CAMK1G: variants seen among roughly 807,000 people sequenced by gnomAD.
The protein encoded by CAMK1G is calcium/calmodulin dependent protein kinase IG.
CAMK1G carries 27 observed loss-of-function variants against 54.8 expected under a neutral mutation model. The ratio of observed to expected loss-of-function variants is 0.49; its 90% CI spans 0.36 to 0.68. CAMK1G has a LOEUF of 0.68. Among genes scored for constraint, CAMK1G ranks in the 30% least tolerant of loss-of-function variants. The pLI is 0.00. For missense variants in CAMK1G, 512 were observed against 591.0 expected (o/e 0.87, Z 1.39); for synonymous variants, 238 against 224.9 (o/e 1.06, Z -0.52).
At chr1:209,592,813 T>A (rs2102383123) in intron 1 of CAMK1G, among the ~76,000 whole-genome samples, 1 of 152,322 alleles carries the variant, frequency 6.6e-6, no homozygotes. Flanking sequence ...ATATTCTTCT[T>A]ATTCCCAGGG....
intron 1 of CAMK1G, among the ~76,000 whole-genome samples, chr1:209,590,982 G>A (rs1302616851): frequency 4.6e-5 from 7 of 151,650 alleles, no homozygotes; most frequent in African/African-American, 1.2e-4. Context: ...CCTGTAAAGC[G>A]AGTGAAAGTT....
intron 3 of CAMK1G, among the ~76,000 whole-genome samples, chr1:209,602,783 C>T (rs143015813): frequency 3.2e-4 from 48 of 152,276 alleles, no homozygotes; most frequent in Admixed American, 1.3e-3. Context: ...ATTCCAAAAA[C>T]TCTTCTAGTC....
chr1:209,586,692 T>G (rs1403166874), intron 1 of CAMK1G, among the ~76,000 whole-genome samples: 2 of 152,140 alleles, frequency 1.3e-5, no homozygotes, highest in African/African-American at 2.4e-5. Context: ...GCATTAGCCC[T>G]CCAAAGGAAT....
At position 209,607,899 on chromosome 1, in the gene CAMK1G, G is replaced by A; in HGVS notation, c.601G>A (p.Asp201Asn). The A allele has an allele frequency of 6.2e-7, 1 of 1,613,798 alleles. No individual in the cohort carries two copies. The highest frequency in any genetic ancestry group is 8.5e-7 in the Non-Finnish European group (1 of 1,179,830). ...CCAGAAACCCTACAGCAAGGCTGTGGATTGCTGGTCCATCGGCGTCATCAC... is the reference window on the plus strand; with the variant it reads ...CCAGAAACCCTACAGCAAGGCTGTGAATTGCTGGTCCATCGGCGTCATCAC... ...LAQKPYSKAV[D>N]CWSIGVITYI... The change falls in exon 7 of 13, where the codon GAT becomes AAT. Residue 201 changes from aspartate (D) to asparagine (N), a missense_variant. Around this residue, in one of 3 missense-constraint regions of CAMK1G, gnomAD observed 11 missense variants for 29.1 expected, o/e 0.38. Coordinates refer to ENST00000361322, the MANE Select transcript of CAMK1G (RefSeq NM_020439.3).
intron 2 of CAMK1G, among the ~76,000 whole-genome samples, chr1:209,597,227 C>T (rs145243865): frequency 1.8e-3 from 270 of 152,294 alleles, no homozygotes; most frequent in African/African-American, 6.3e-3. Context: ...TAATAATTAT[C>T]ATATGAACAT....
intron 11 of CAMK1G, among the ~76,000 whole-genome samples, chr1:209,612,479 T>G (rs963165421): frequency 2.0e-5 from 3 of 152,302 alleles, no homozygotes; most frequent in Non-Finnish European, 4.4e-5. Context: ...CCAATTAGCC[T>G]GCCTCACAGA....
intron 2 of CAMK1G, among the ~76,000 whole-genome samples, chr1:209,599,765 T>A (rs566865163): frequency 6.6e-6 from 1 of 152,352 alleles, no homozygotes; most frequent in African/African-American, 2.4e-5. Flanking sequence ...TCTCCCTAGC[T>A]TTTTTATGAC....
intron 1 of CAMK1G, among the ~76,000 whole-genome samples, chr1:209,585,710 C>G (rs951884084): frequency 6.6e-6 from 1 of 152,252 alleles, no homozygotes; most frequent in Non-Finnish European, 1.5e-5. Context: ...GCATCCCCCT[C>G]TAAGAGGAGA....
intron 9 of CAMK1G, 123 bp from the exon 10 acceptor site, chr1:209,611,342 G>A: frequency 1.3e-6 from 1 of 782,360 alleles, no homozygotes; most frequent in Non-Finnish European, 2.1e-6. Context: ...CTTTCCTGCT[G>A]TGGGCTGTCT....
chr1:209,587,873 G>T (rs1186729261), intron 1 of CAMK1G, among the ~76,000 whole-genome samples: 1 of 151,072 alleles, frequency 6.6e-6, no homozygotes, highest in African/African-American at 2.4e-5. Flanking sequence ...AGATTTCCAT[G>T]ATTCGGTGTG....
At chr1:209,585,099 G>A (rs1665064186) in intron 1 of CAMK1G, among the ~76,000 whole-genome samples, 1 of 152,202 alleles carries the variant, frequency 6.6e-6, no homozygotes, top group Non-Finnish European at 1.5e-5. Flanking sequence ...TAAATTCAGT[G>A]AACTTTCCAC....
In CAMK1G at chr1:209,606,328, C is replaced by T. The variant is rs1665649378; in HGVS notation, c.444C>T (p.Asn148=). The T allele has an allele frequency of 6.2e-7, 1 of 1,613,804 alleles. No individual in the cohort carries two copies. The highest frequency in any genetic ancestry group is 1.3e-5 in the African/African-American group (1 of 74,894). The change falls in exon 6 of 13, where the codon AAC becomes AAT. Residue 148 remains asparagine (N), a synonymous_variant. Coordinates refer to ENST00000361322, the MANE Select transcript of CAMK1G (RefSeq NM_020439.3). ...GIVHRDLKPE[N]LLYLTPEENS... is the part of the protein sequence containing the mutation. ...TATTTTTTCTCCTACAGCCCGAAAA[C>T]CTGCTTTACCTTACCCCTGAAGAGA...
chr1:209,584,802 G>A lies in CAMK1G; in HGVS notation c.-30+1030G>A, dbSNP rs539038882. 5.3e-5 allele frequency among the ~76,000 whole-genome samples: 8 copies of A among 152,294 alleles called. No individual in the cohort carries two copies. The South Asian group carries it at 1.2e-3, about 24-fold the overall frequency. ...AGATCATAAGCTGAAGACAGAACAA[G>A]GTCCCTGTCATTCCTGCTGACCCAA... is the stretch of plus-strand genomic sequence containing the variant. On this transcript the variant is annotated intron_variant, in intron 1 of 12. Coordinates refer to ENST00000361322, the MANE Select transcript of CAMK1G (RefSeq NM_020439.3).
intron 1 of CAMK1G, among the ~76,000 whole-genome samples, chr1:209,591,455 A>G (rs1202646201): frequency 1.3e-5 from 2 of 152,234 alleles, no homozygotes; most frequent in Non-Finnish European, 2.9e-5. Context: ...CCTATTTCTT[A>G]TAAATCTTTC....
rs1665828095 is a variant in CAMK1G, at chr1:209,613,183, G to A, written c.*181G>A. 1 of 310,892 alleles carries A rather than the reference G, an allele frequency of 3.2e-6. No individual in the cohort carries two copies. Among genetic ancestry groups the A allele is most frequent in the East Asian group, 6.6e-5 (1 of 15,054 alleles). The allele number at this position is 310,892 out of a possible 1,614,324, so 19.3% of individuals were successfully genotyped here. A position where few individuals can be genotyped will look rare whatever the true frequency, so the allele number is the denominator to read the frequency against. The stretch of plus-strand genomic sequence containing the variant: ...CTGCCAGCGGGGCAGCCCCTCATAG[G>A]AGGCCCAGGAGGGAGCCCCAAGGCG... On this transcript the variant is annotated 3_prime_UTR_variant, in exon 13 of 13. Transcript: ENST00000361322.
chr1:209,610,030 T>C, intron 9 of CAMK1G, 101 bp downstream of exon 9: 2 of 952,736 alleles, frequency 2.1e-6, no homozygotes, highest in South Asian at 1.3e-5. Context: ...CTTGTCCTGA[T>C]CCATTTAATG....
In CAMK1G at chr1:209,595,225, T is replaced by C. The variant is rs552708878; in HGVS notation, c.92+150T>C. The C allele has an allele frequency of 6.6e-6, 4 of 608,294 alleles. No homozygotes were observed. The Admixed American group carries it at 9.2e-5, about 14-fold the overall frequency. The allele number at this position is 608,294 out of a possible 1,614,324, so 37.7% of individuals were successfully genotyped here. ...TTTAAGGGACTTAGGGAGAGTTTTGTGGCCTGGAGGATGGTGGGTGGAGTG... is the reference window on the plus strand; with the variant it reads ...TTTAAGGGACTTAGGGAGAGTTTTGCGGCCTGGAGGATGGTGGGTGGAGTG... On this transcript the variant is annotated intron_variant, in intron 2 of 12. Transcript: ENST00000361322.
chr1:209,596,609 T>G (rs1022918025), intron 2 of CAMK1G, among the ~76,000 whole-genome samples: 1 of 151,382 alleles, frequency 6.6e-6, no homozygotes, highest in African/African-American at 2.4e-5. Flanking sequence ...CCATCTAAAT[T>G]CAACGTTGTT....
chr1:209,609,981 C>A, intron 9 of CAMK1G, 52 bp downstream of exon 9: 1 of 1,393,294 alleles, frequency 7.2e-7, no homozygotes, highest in Non-Finnish European at 1.0e-6. Flanking sequence ...GTTCCCAAAA[C>A]CATGCTGACT....
Sources: allele counts gnomAD v4.1 joint callset (sites outside exome capture counted in the v4.1 genomes callset), GRCh38; gene constraint gnomAD v4.1.1; regional missense constraint gnomAD v4.1.1; transcripts MANE v1.5; gene names NCBI Gene and HGNC (gene_info 2026-07-23, HGNC 2026-07-21).